Variants in ELOVL6 observed in about 807,000 individuals in gnomAD.
ELOVL6 encodes the protein ELOVL fatty acid elongase 6.
ELOVL6 carries 8 observed loss-of-function variants against 31.7 expected under a neutral mutation model. The ratio of observed to expected loss-of-function variants is 0.25; its 90% CI spans 0.15 to 0.45. ELOVL6 has a LOEUF of 0.45. Among genes scored for constraint, ELOVL6 ranks in the 20% least tolerant of loss-of-function variants. ELOVL6 has a pLI of 1.00. For synonymous variants in ELOVL6, 101 were observed against 117.7 expected (o/e 0.86, Z 0.92); for missense variants, 126 against 326.4 (o/e 0.39, Z 4.73).
At chr4:110,149,009 A>G (rs1758208218) in intron 1 of ELOVL6, among the ~76,000 whole-genome samples, 1 of 152,168 alleles carries the variant, frequency 6.6e-6, no homozygotes, top group African/African-American at 2.4e-5. Context: ...TACAGGCACA[A>G]GCCACTATGC....
chr4:110,070,595 A>C (rs1202585454), intron 2 of ELOVL6, among the ~76,000 whole-genome samples: 1 of 152,164 alleles, frequency 6.6e-6, no homozygotes, highest in Non-Finnish European at 1.5e-5. Flanking sequence ...TGGGGGAAAA[A>C]ATCTCACGTT....
chr4:110,169,811 T>C (rs1392552848), intron 1 of ELOVL6, among the ~76,000 whole-genome samples: 11 of 142,156 alleles, frequency 7.7e-5, no homozygotes, highest in East Asian at 1.9e-4. Context: ...TTCTTTCTTT[T>C]TTTTTTTTTT....
chr4:110,196,922 C>G (rs1759815228), intron 1 of ELOVL6, among the ~76,000 whole-genome samples: 1 of 152,206 alleles, frequency 6.6e-6, no homozygotes, highest in South Asian at 2.1e-4. Flanking sequence ...CCTCCCGACA[C>G]TGGCCGGCGA....
At chr4:110,140,556 C>CT (rs1036976414) in intron 1 of ELOVL6, among the ~76,000 whole-genome samples, 3 of 151,960 alleles carry the variant, frequency 2.0e-5, no homozygotes, top group Admixed American at 2.0e-4. Context: ...CACCATGCTT[C>CT]TTTTTAATTT....
intron 2 of ELOVL6, among the ~76,000 whole-genome samples, chr4:110,078,624 A>C (rs1256907769): frequency 1.3e-5 from 2 of 152,242 alleles, no homozygotes; most frequent in Non-Finnish European, 2.9e-5. Context: ...AGTACCAGCC[A>C]CTGCAAAAAC....
At chr4:110,170,783 A>C (rs1407182052) in intron 1 of ELOVL6, among the ~76,000 whole-genome samples, 1 of 152,172 alleles carries the variant, frequency 6.6e-6, no homozygotes, top group Non-Finnish European at 1.5e-5. Flanking sequence ...CAATATATTA[A>C]ATAAGATGTG....
intron 2 of ELOVL6, among the ~76,000 whole-genome samples, chr4:110,092,019 G>C (rs949663302): frequency 6.6e-6 from 1 of 152,126 alleles, no homozygotes. Flanking sequence ...AGTTATAAGT[G>C]ATAACAAGAA....
At chr4:110,121,808 T>C (rs867369374) in intron 1 of ELOVL6, among the ~76,000 whole-genome samples, 5 of 152,232 alleles carry the variant, frequency 3.3e-5, no homozygotes, top group African/African-American at 1.2e-4. Context: ...TTGTCTCCAA[T>C]AGAACATTCC....
intron 2 of ELOVL6, 103 bp downstream of exon 2, chr4:110,105,394 A>C (rs1199549570): frequency 1.5e-5 from 18 of 1,229,342 alleles, no homozygotes; most frequent in Non-Finnish European, 1.9e-5. Context: ...CATCATATTC[A>C]ATAATCAAAA....
Position 110,105,598 on chromosome 4 carries a change from A to C in ELOVL6, c.120T>G (p.Tyr40Ter). ...WKKSFLFSAL[Y>*]AAFIFGGRHL... is the part of the protein sequence containing the mutation. ...GCCGACCACCGAATATAAAGGCAGCATACAGAGCAGAAAACAGGAAAGATT... is the reference window on the plus strand; with the variant it reads ...GCCGACCACCGAATATAAAGGCAGCCTACAGAGCAGAAAACAGGAAAGATT... Residue 40 changes from tyrosine (Y) to a stop codon, truncating the protein, a stop_gained, in exon 2 of 4, where the codon TAT becomes TAG. Coordinates refer to ENST00000302274, the MANE Select transcript of ELOVL6 (RefSeq NM_024090.3). LOFTEE classifies it high-confidence loss of function. The C allele has an allele frequency of 6.2e-7, 1 of 1,613,280 alleles. No individual in the cohort carries two copies.
intron 2 of ELOVL6, among the ~76,000 whole-genome samples, chr4:110,098,187 G>A (rs1756644135): frequency 6.6e-6 from 1 of 151,146 alleles, no homozygotes; most frequent in Non-Finnish European, 1.5e-5. Context: ...ACTTAACTGA[G>A]GGATACCGTC....
intron 2 of ELOVL6, among the ~76,000 whole-genome samples, chr4:110,071,794 T>TATGAAAAGATAC (rs1755491823): frequency 6.6e-6 from 1 of 152,190 alleles, no homozygotes; most frequent in Non-Finnish European, 1.5e-5. Flanking sequence ...TGAAAAGAGA[T>TATGAAAAGATAC]GGTATGAAAA....
chr4:110,065,869 T>A (rs1755284817), intron 2 of ELOVL6, among the ~76,000 whole-genome samples: 1 of 151,978 alleles, frequency 6.6e-6, no homozygotes, highest in African/African-American at 2.4e-5. Flanking sequence ...ATAGTTGATT[T>A]AAAAAAAAAT....
chr4:110,106,873 C>T (rs1028636394), intron 1 of ELOVL6, among the ~76,000 whole-genome samples: 2 of 152,028 alleles, frequency 1.3e-5, no homozygotes, highest in African/African-American at 4.8e-5. Context: ...AATTCAAAAG[C>T]AAAAATCCAC....
chr4:110,158,558 G>T (rs1328116228), intron 1 of ELOVL6, among the ~76,000 whole-genome samples: 7 of 129,686 alleles, frequency 5.4e-5, no homozygotes, highest in Non-Finnish European at 8.5e-5. Flanking sequence ...ATTGGAGAGA[G>T]ATATATATAT....
chr4:110,135,252 G>C (rs1199346554), intron 1 of ELOVL6, among the ~76,000 whole-genome samples: 1 of 152,174 alleles, frequency 6.6e-6, no homozygotes, highest in Non-Finnish European at 1.5e-5. Context: ...ACTGCACTAA[G>C]AACTTGATGC....
chr4:110,103,372 A>G (rs718816), intron 2 of ELOVL6, among the ~76,000 whole-genome samples: 46,775 of 151,604 alleles, frequency 0.31, 8,245 homozygotes, highest in East Asian at 0.7. Context: ...TCATATCTCA[A>G]AATCACTGGC....
intron 2 of ELOVL6, among the ~76,000 whole-genome samples, chr4:110,088,490 G>A (rs919627904): frequency 1.3e-5 from 2 of 152,132 alleles, no homozygotes; most frequent in African/African-American, 2.4e-5. Flanking sequence ...TGCAGCTGGA[G>A]GTGCAACAGC....
chr4:110,134,568 A>G (rs1031078216), intron 1 of ELOVL6, among the ~76,000 whole-genome samples: 1 of 152,190 alleles, frequency 6.6e-6, no homozygotes, highest in Non-Finnish European at 1.5e-5. Context: ...AGATCGGGAA[A>G]TAAAACATTA....
Sources: allele counts gnomAD v4.1 joint callset (sites outside exome capture counted in the v4.1 genomes callset), GRCh38; gene constraint gnomAD v4.1.1; transcripts MANE v1.5; gene names NCBI Gene and HGNC (gene_info 2026-07-23, HGNC 2026-07-21).